MTA1: variants seen among roughly 807,000 people sequenced by gnomAD.
MTA1 encodes metastasis associated 1.
A neutral mutation model predicts 97.0 loss-of-function variants in MTA1; 15 were observed. The observed-to-expected ratio is 0.15, with a 90% CI of 0.10 to 0.24. The LOEUF (loss-of-function observed/expected upper bound fraction) is 0.24. Among genes scored for constraint, MTA1 ranks in the 10% least tolerant of loss-of-function variants. The pLI, the probability that MTA1 is intolerant of heterozygous loss-of-function variation, is 1.00. For synonymous variants in MTA1, 435 were observed against 417.5 expected, an observed-to-expected ratio of 1.04 and a Z score of -0.51; for missense variants, 709 against 1,015.1, an observed-to-expected ratio of 0.70 and a Z score of 4.10.
At chr14:105,468,219 G>C (rs1395998216) in intron 18 of MTA1, 1 of 1,088,270 alleles carries the variant, frequency 9.2e-7, no homozygotes, top group Admixed American at 2.3e-5. Context: ...GCTCTAACCC[G>C]GCCATTTGCC....
Position 105,466,427 on chromosome 14 carries a change from G to GGGCCCC in MTA1, c.1626_1627insGGCCCC (p.Glu542_Thr543insGlyPro). ...TTCTGCCTGTGTCATTCCCGGCAGAGACCCACCCCCGCCCCCCCAAGCCTG... is the reference window on the plus strand; with the variant it reads ...TTCTGCCTGTGTCATTCCCGGCAGAGGGCCCCACCCACCCCCGCCCCCCCAAGCCTG... On this transcript the variant is annotated inframe_insertion and splice_region_variant, in exon 17 of 21. Coordinates refer to ENST00000331320, the MANE Select transcript of MTA1 (RefSeq NM_004689.4). 1.3e-6 allele frequency: 2 copies of GGGCCCC among 1,592,102 alleles called. No individual in the cohort carries two copies. Among genetic ancestry groups the GGGCCCC allele is most frequent in the South Asian group, 2.2e-5 (2 of 89,726 alleles).
At position 105,420,504 on chromosome 14, in the gene MTA1, G is replaced by A. The variant is rs1419185107; in HGVS notation, c.28+441G>A. On this transcript the variant is annotated intron_variant, in intron 1 of 20. Transcript: ENST00000331320. This position sits in a 1 kb window ranked among gnomAD's most constrained non-coding sequence, Gnocchi z 5.3. ...GCTGGGACTCCGGTGCATCCCCTCT[G>A]GGGATGGGGAGCCCCGGTGAGGGGC... Among the ~76,000 whole-genome samples the A allele has an allele frequency of 2.6e-5, 4 of 152,126 alleles. No individual in the cohort carries two copies. The highest frequency in any genetic ancestry group is 9.7e-5 in the African/African-American group (4 of 41,440).
intron 1 of MTA1, among the ~76,000 whole-genome samples, chr14:105,426,190 G>C (rs868990634): frequency 6.6e-6 from 1 of 152,034 alleles, no homozygotes; most frequent in African/African-American, 2.4e-5. Flanking sequence ...GGGACCACGC[G>C]TCCCTTCCCG....
intron 18 of MTA1, chr14:105,467,825 G>A (rs2083660791): frequency 1.2e-5 from 3 of 256,596 alleles, no homozygotes; most frequent in Non-Finnish European, 2.3e-5. Flanking sequence ...GTAGAAACAG[G>A]AGGGAGTCCT....
At position 105,463,089 on chromosome 14, in the gene MTA1, C is replaced by T; in HGVS notation, c.943-95C>T. 7.9e-7 allele frequency: 1 copy of T among 1,272,206 alleles called. No homozygotes were observed. The allele number at this position is 1,272,206 out of a possible 1,614,324, so 78.8% of individuals were successfully genotyped here. On this transcript the variant is annotated intron_variant, in intron 10 of 20. Coordinates refer to ENST00000331320, the MANE Select transcript of MTA1 (RefSeq NM_004689.4). The surrounding 1 kb of genome is among the most constrained non-coding windows in gnomAD (Gnocchi z 5.9). ...ACCTCGCCCTCTGGCCTCCCGCCCC[C>T]TCTGTGGCCTTCTGGCCGCAGCCCT...
At chr14:105,444,105 G>A (rs2141526421) in intron 2 of MTA1, among the ~76,000 whole-genome samples, 1 of 150,982 alleles carries the variant, frequency 6.6e-6, no homozygotes, top group African/African-American at 2.4e-5. Context: ...CGGGTGCGGT[G>A]GCTCACGCCT....
In MTA1 at chr14:105,422,989, A is replaced by C. The variant is rs2141386698; in HGVS notation, c.28+2926A>C. Among the ~76,000 whole-genome samples the C allele has an allele frequency of 6.6e-6, 1 of 152,202 alleles. No individual in the cohort carries two copies. The highest frequency in any genetic ancestry group is 2.4e-5 in the African/African-American group (1 of 41,534). On this transcript the variant is annotated intron_variant, in intron 1 of 20. Coordinates refer to ENST00000331320, the MANE Select transcript of MTA1 (RefSeq NM_004689.4). This position sits in a 1 kb window ranked among gnomAD's most constrained non-coding sequence, Gnocchi z 4.3. ...AAGGCTTGAAACCTGCTGTGGGATG[A>C]GAGGGCCCCAGGGCAACGGCGGGAT... is the stretch of plus-strand genomic sequence containing the variant.
intron 16 of MTA1, 26 bp from the exon 17 acceptor site, chr14:105,466,400 C>T (rs2083585502): frequency 2.5e-6 from 4 of 1,588,170 alleles, no homozygotes; most frequent in Non-Finnish European, 2.6e-6. Flanking sequence ...AGAGGCAACT[C>T]GTTCTGCCTG....
At chr14:105,454,099 A>G in intron 6 of MTA1, 94 bp from the exon 7 acceptor site, 1 of 907,730 alleles carries the variant, frequency 1.1e-6, no homozygotes, top group Non-Finnish European at 1.8e-6. Flanking sequence ...TCTGGGCAAG[A>G]CCCTCCCAGC....
rs140625836 is a variant in MTA1 at position 105,422,570 on chromosome 14, C to T, written c.28+2507C>T. ...AAATTTAGTTAAGAAAAGTACAGGACGCCCAGGCAAATTTGAGTTTCAGAT... is the reference window on the plus strand; with the variant it reads ...AAATTTAGTTAAGAAAAGTACAGGATGCCCAGGCAAATTTGAGTTTCAGAT... On this transcript the variant is annotated intron_variant, in intron 1 of 20. Transcript: ENST00000331320. The surrounding 1 kb of genome is among the most constrained non-coding windows in gnomAD (Gnocchi z 4.3). Among the ~76,000 whole-genome samples the T allele has an allele frequency of 1.1e-4, 17 of 152,274 alleles. No individual in the cohort carries two copies. The highest frequency in any genetic ancestry group is 2.6e-4 in the African/African-American group (11 of 41,554).
chr14:105,441,776 A>C (rs1436332120), intron 2 of MTA1, among the ~76,000 whole-genome samples: 1 of 152,210 alleles, frequency 6.6e-6, no homozygotes, highest in Non-Finnish European at 1.5e-5. Context: ...CCTGGGCGAC[A>C]GAGCGAGACT....
chr14:105,460,313 TC>T, intron 8 of MTA1, 44 bp from the exon 9 acceptor site: 1 of 1,541,212 alleles, frequency 6.5e-7, no homozygotes, highest in Non-Finnish European at 8.8e-7. Context: ...CTGTGGGGAG[TC>T]CCTGCTTGGC....
At chr14:105,458,412 C>A in intron 8 of MTA1, 40 bp downstream of exon 8, 1 of 1,563,000 alleles carries the variant, frequency 6.4e-7, no homozygotes, top group Non-Finnish European at 8.8e-7. Flanking sequence ...GGGGTGGTGC[C>A]TGGAGCTTCT....
Position 105,463,687 on chromosome 14 carries a change from C to A in MTA1, c.1076+136C>A. ...AAAGTTGGGGCAGCCCCCGGGAGGG[C>A]GGCCCAGGGCTGGGGGGTTCTGGCT... On this transcript the variant is annotated intron_variant, in intron 12 of 20. Transcript: ENST00000331320. This position sits in a 1 kb window ranked among gnomAD's most constrained non-coding sequence, Gnocchi z 5.9. 1.2e-6 allele frequency: 1 copy of A among 833,346 alleles called. No individual in the cohort carries two copies. Among genetic ancestry groups the A allele is most frequent in the Non-Finnish European group, 1.9e-6 (1 of 520,730 alleles). 51.6% of individuals were successfully genotyped at this position (833,346 alleles called of 1,614,324 possible). A position where few individuals can be genotyped will look rare whatever the true frequency, so the allele number is the denominator to read the frequency against.
Position 105,463,944 on chromosome 14 carries a change from G to T in MTA1, c.1077-88G>T. 8.0e-7 allele frequency: 1 copy of T among 1,253,676 alleles called. No individual in the cohort carries two copies. The allele number at this position is 1,253,676 out of a possible 1,614,324, so 77.7% of individuals were successfully genotyped here. ...TGCGAGGACGTGGTTCTGGACAAGGGGTGGTCAGCCGCGGTGCCTGCTGGG... is the reference window on the plus strand; with the variant it reads ...TGCGAGGACGTGGTTCTGGACAAGGTGTGGTCAGCCGCGGTGCCTGCTGGG... On this transcript the variant is annotated intron_variant, in intron 12 of 20. Coordinates refer to ENST00000331320, the MANE Select transcript of MTA1 (RefSeq NM_004689.4). The surrounding 1 kb of genome is among the most constrained non-coding windows in gnomAD (Gnocchi z 5.9).
Position 105,425,855 on chromosome 14 carries a change from C to T in MTA1, c.28+5792C>T, listed in dbSNP as rs1487026985. Among the ~76,000 whole-genome samples, 59 of 152,112 alleles carry T rather than the reference C, an allele frequency of 3.9e-4. 2 individuals carry two copies. Among genetic ancestry groups the T allele is most frequent in the Admixed American group, 3.4e-3 (52 of 15,284 alleles). On this transcript the variant is annotated intron_variant, in intron 1 of 20. Coordinates refer to ENST00000331320, the MANE Select transcript of MTA1 (RefSeq NM_004689.4). ...GCCCCACCAATGTGCCCCCGGCACC[C>T]CCGAGCCCAGGCCCCAAGGCTTGCT...
At chr14:105,452,039 G>A (rs1055644643) in intron 6 of MTA1, among the ~76,000 whole-genome samples, 3 of 152,070 alleles carry the variant, frequency 2.0e-5, no homozygotes, top group African/African-American at 4.8e-5. Context: ...TGATCATCCC[G>A]CCTCTGCCTC....
intron 1 of MTA1, among the ~76,000 whole-genome samples, chr14:105,427,195 C>T (rs1167524132): frequency 6.6e-6 from 1 of 152,268 alleles, no homozygotes; most frequent in Non-Finnish European, 1.5e-5. Flanking sequence ...ATGTCACTTT[C>T]CCAGTCATTT....
In MTA1 at chr14:105,466,747, G is replaced by C; in HGVS notation, c.1813+5G>C. 1 of 1,583,998 alleles carries C rather than the reference G, an allele frequency of 6.3e-7. No homozygotes were observed. Among genetic ancestry groups the C allele is most frequent in the Non-Finnish European group, 8.6e-7 (1 of 1,166,686 alleles). ...GCCTCTTGATGCCCAGTAGGGGTAA[G>C]GCCTGGAGCCGCGGGCGGGCGCTGC... On this transcript the variant is annotated splice_donor_5th_base_variant and intron_variant, in intron 18 of 20. Coordinates refer to ENST00000331320, the MANE Select transcript of MTA1 (RefSeq NM_004689.4).
Sources: gnomAD v4.1 joint callset for allele counts (sites outside exome capture counted in the v4.1 genomes callset) on GRCh38, gnomAD v4.1.1 for gene constraint, Gnocchi (gnomAD v3.1) non-coding constraint, MANE v1.5 for transcripts, NCBI Gene and HGNC (gene_info 2026-07-23, HGNC 2026-07-21) for gene names.